Variants in PHYHIPL observed in about 807,000 individuals in gnomAD.
The protein encoded by PHYHIPL is phytanoyl-CoA 2-hydroxylase interacting protein like.
Under a neutral mutation model 33.4 loss-of-function variants are expected in PHYHIPL, and 9 were observed. The ratio of observed to expected loss-of-function variants is 0.27; its 90% CI spans 0.16 to 0.47. The LOEUF is 0.47. Ranked by LOEUF, PHYHIPL falls within the 20% of genes least tolerant of loss-of-function variation. The probability of loss-of-function intolerance (pLI) is 0.99; values close to 1 mark genes in which losing one functional copy is unlikely to be tolerated. For synonymous variants in PHYHIPL, 153 were observed against 154.1 expected (o/e 0.99, Z 0.05); for missense variants, 365 against 460.7 (o/e 0.79, Z 1.90).
intron 1 of PHYHIPL, among the ~76,000 whole-genome samples, chr10:59,203,363 T>G (rs1320612201): frequency 6.6e-6 from 1 of 152,170 alleles, no homozygotes; most frequent in Non-Finnish European, 1.5e-5. Context: ...GTGTGGCGAT[T>G]CCTCAAGGAT....
At chr10:59,195,640 G>A (rs892950545) in intron 1 of PHYHIPL, among the ~76,000 whole-genome samples, 1 of 152,162 alleles carries the variant, frequency 6.6e-6, no homozygotes, top group East Asian at 1.9e-4. Flanking sequence ...GAGAAGGAGT[G>A]ACCTTCCTGC....
chr10:59,178,276 A>G (rs1048532006), intron 1 of PHYHIPL, among the ~76,000 whole-genome samples: 2 of 152,116 alleles, frequency 1.3e-5, no homozygotes, highest in Non-Finnish European at 2.9e-5. Context: ...TAGTATATGA[A>G]TAAATAAATA....
chr10:59,182,899 A>G (rs1405578385), intron 1 of PHYHIPL, among the ~76,000 whole-genome samples: 1 of 152,204 alleles, frequency 6.6e-6, no homozygotes, highest in Non-Finnish European at 1.5e-5. Flanking sequence ...AATCTGAAGA[A>G]TCATTGACAG....
intron 1 of PHYHIPL, among the ~76,000 whole-genome samples, chr10:59,179,096 C>CT (rs2133173148): frequency 6.6e-6 from 1 of 152,256 alleles, no homozygotes; most frequent in African/African-American, 2.4e-5. Context: ...GTTATCCTAT[C>CT]TTACATGTCA....
At position 59,246,130 on chromosome 10, in the gene PHYHIPL, A is replaced by G. The variant is rs1418407466; in HGVS notation, c.*539A>G. The G allele has an allele frequency of 6.5e-6, 1 of 152,764 alleles. No individual in the cohort carries two copies. Among genetic ancestry groups the G allele is most frequent in the Non-Finnish European group, 1.5e-5 (1 of 68,128 alleles). The allele number at this position is 152,764 out of a possible 1,614,324, so 9.5% of individuals were successfully genotyped here. On this transcript the variant is annotated 3_prime_UTR_variant, in exon 5 of 5. Coordinates refer to ENST00000373880, the MANE Select transcript of PHYHIPL (RefSeq NM_032439.4). Reference sequence around the variant, plus strand: ...AACAACTACTGTGTTTCAACATAATAAATATAATAGAAAAATATTTTATTT... The same window carrying G: ...AACAACTACTGTGTTTCAACATAATGAATATAATAGAAAAATATTTTATTT...
chr10:59,208,350 A>G (rs753480048), intron 1 of PHYHIPL, among the ~76,000 whole-genome samples: 5 of 152,206 alleles, frequency 3.3e-5, no homozygotes, highest in Non-Finnish European at 7.3e-5. Context: ...TTAGAAGGAA[A>G]ACTAACAAAC....
At chr10:59,214,877 G>A (rs1589280152) in intron 1 of PHYHIPL, among the ~76,000 whole-genome samples, 1 of 151,958 alleles carries the variant, frequency 6.6e-6, no homozygotes, top group Admixed American at 6.6e-5. Context: ...TGAAGAAATG[G>A]TTGATTCCAG....
At chr10:59,231,900 T>A (rs999821406) in intron 1 of PHYHIPL, among the ~76,000 whole-genome samples, 34 of 151,986 alleles carry the variant, frequency 2.2e-4, no homozygotes, top group Non-Finnish European at 4.3e-4. Context: ...AGCTGGAAAT[T>A]GATAGCAAAA....
At chr10:59,226,528 G>A (rs1251407101) in intron 1 of PHYHIPL, among the ~76,000 whole-genome samples, 8 of 152,120 alleles carry the variant, frequency 5.3e-5, no homozygotes, top group Non-Finnish European at 1.0e-4. Context: ...TGGAATCATT[G>A]CTAAGGAGGA....
intron 1 of PHYHIPL, among the ~76,000 whole-genome samples, chr10:59,186,140 G>A (rs1458220510): frequency 2.0e-5 from 3 of 152,110 alleles, no homozygotes; most frequent in Non-Finnish European, 4.4e-5. Context: ...ATTAATTTTT[G>A]TATAAGGTGT....
rs1840769588 is a variant in PHYHIPL, at chr10:59,247,065, GTTTA to G, written c.*1478_*1481del. On this transcript the variant is annotated 3_prime_UTR_variant, in exon 5 of 5. Coordinates refer to ENST00000373880, the MANE Select transcript of PHYHIPL (RefSeq NM_032439.4). Reference sequence around the variant, plus strand: ...AAGAAAAAAATAGCAACACAATCTAGTTTATTTTAGGGTACTGAGAGCCTAGCAG... The same window carrying G: ...AAGAAAAAAATAGCAACACAATCTAGTTTTAGGGTACTGAGAGCCTAGCAG... 6.4e-6 allele frequency: 1 copy of G among 157,334 alleles called. No homozygotes were observed. The highest frequency in any genetic ancestry group is 2.1e-4 in the South Asian group (1 of 4,858). The allele number at this position is 157,334 out of a possible 1,614,324, so 9.7% of individuals were successfully genotyped here.
At chr10:59,184,852 ATG>A (rs1160402982) in intron 1 of PHYHIPL, among the ~76,000 whole-genome samples, 4 of 124,744 alleles carry the variant, frequency 3.2e-5, no homozygotes, top group Non-Finnish European at 4.8e-5. Context: ...TTCTGTGTCC[ATG>A]TGTTCTCATG....
At chr10:59,240,201 A>G (rs1840349317) in intron 4 of PHYHIPL, among the ~76,000 whole-genome samples, 1 of 152,042 alleles carries the variant, frequency 6.6e-6, no homozygotes, top group Non-Finnish European at 1.5e-5. Context: ...GATACCATTC[A>G]CCTAATTTAG....
chr10:59,194,896 C>G (rs957077601), intron 1 of PHYHIPL, among the ~76,000 whole-genome samples: 1 of 152,152 alleles, frequency 6.6e-6, no homozygotes, highest in Non-Finnish European at 1.5e-5. Context: ...AGCTGAATTT[C>G]TGGCATTTAC....
At chr10:59,215,640 T>C (rs920450424) in intron 1 of PHYHIPL, among the ~76,000 whole-genome samples, 5 of 151,936 alleles carry the variant, frequency 3.3e-5, no homozygotes, top group Non-Finnish European at 4.4e-5. Context: ...CTAGAAATTA[T>C]GGAACTGCTG....
At position 59,246,040 on chromosome 10, in the gene PHYHIPL, A is replaced by G. The variant is rs941651208; in HGVS notation, c.*449A>G. 1.9e-5 allele frequency: 3 copies of G among 154,428 alleles called. No homozygotes were observed. The highest frequency in any genetic ancestry group is 6.5e-5 in the Admixed American group (1 of 15,392). The allele number at this position is 154,428 out of a possible 1,614,324, so 9.6% of individuals were successfully genotyped here. On this transcript the variant is annotated 3_prime_UTR_variant, in exon 5 of 5. Coordinates refer to ENST00000373880, the MANE Select transcript of PHYHIPL (RefSeq NM_032439.4). ...CATGAGTTAAATCTTGAAGCCTAGA[A>G]TTGTCAGCACTTCCAACTTCTTGTT... is the stretch of plus-strand genomic sequence containing the variant.
rs575659412 is a variant in PHYHIPL at position 59,219,905 on chromosome 10, G to A, written c.107-14399G>A. On this transcript the variant is annotated intron_variant, in intron 1 of 4. Coordinates refer to ENST00000373880, the MANE Select transcript of PHYHIPL (RefSeq NM_032439.4). The stretch of plus-strand genomic sequence containing the variant: ...AAATACAGGTCCCTACTGAAGTCAT[G>A]TAAAAATAACAAAGGGACAGGTACA... 2.7e-3 allele frequency among the ~76,000 whole-genome samples: 411 copies of A among 152,228 alleles called. 4 individuals are homozygous for A. Among genetic ancestry groups the A allele is most frequent in the Non-Finnish European group, 3.6e-3 (242 of 67,994 alleles).
At position 59,245,402 on chromosome 10, in the gene PHYHIPL, A is replaced by T; in HGVS notation, c.942A>T (p.Thr314=). 1 of 1,614,168 alleles carries T rather than the reference A, an allele frequency of 6.2e-7. No homozygotes were observed. The highest frequency in any genetic ancestry group is 8.5e-7 in the Non-Finnish European group (1 of 1,180,028). Reference sequence around the variant, plus strand: ...AGGATAATAAATTTTTGACCTGTACAGAAGAAGATGGGGTGCTGGTTTACC... The same window carrying T: ...AGGATAATAAATTTTTGACCTGTACTGAAGAAGATGGGGTGCTGGTTTACC... ...NSKDNKFLTC[T]EEDGVLVYHH... The change falls in exon 5 of 5, where the codon ACA becomes ACT. Residue 314 remains threonine, a synonymous_variant. Coordinates refer to ENST00000373880, the MANE Select transcript of PHYHIPL (RefSeq NM_032439.4).
upstream of PHYHIPL, among the ~76,000 whole-genome samples, chr10:59,174,516 G>A (rs556513025): frequency 1.6e-4 from 25 of 152,202 alleles, no homozygotes; most frequent in East Asian, 4.4e-3. Context: ...ATTTAATATC[G>A]AAAGTTAAAA....
Sources: gnomAD v4.1 joint callset for allele counts (sites outside exome capture counted in the v4.1 genomes callset) on GRCh38, gnomAD v4.1.1 for gene constraint, MANE v1.5 for transcripts, NCBI Gene and HGNC (gene_info 2026-07-23, HGNC 2026-07-21) for gene names.